The following CNIH4 variants were observed in gnomAD, a reference collection of about 807,000 sequenced individuals.
CNIH4 encodes cornichon family member 4, also known as protein cornichon homolog 4.
Under a neutral mutation model 21.5 loss-of-function variants are expected in CNIH4, and 9 were observed. The ratio of observed to expected loss-of-function variants is 0.42; its 90% CI spans 0.25 to 0.73. The LOEUF is 0.73. Ranked by LOEUF, CNIH4 falls within the 30% of genes least tolerant of loss-of-function variation. The pLI is 0.27. For missense variants in CNIH4, 159 were observed against 170.0 expected (o/e 0.94, Z 0.36); for synonymous variants, 67 against 59.1 (o/e 1.13, Z -0.61).
chr1:224,372,615 C>T (rs1049432534), intron 4 of CNIH4, among the ~76,000 whole-genome samples: 4 of 151,876 alleles, frequency 2.6e-5, no homozygotes, highest in Non-Finnish European at 5.9e-5. Context: ...CAGAGTCTCG[C>T]TCTGTCACCC....
At chr1:224,363,176 C>G (rs2102854135) in intron 2 of CNIH4, among the ~76,000 whole-genome samples, 1 of 152,218 alleles carries the variant, frequency 6.6e-6, no homozygotes, top group South Asian at 2.1e-4. Context: ...TCCTGAGTAG[C>G]TGGGATTACA....
rs532107200 is a variant in CNIH4 at position 224,378,581 on chromosome 1, C to T, written c.*2759C>T. On this transcript the variant is annotated 3_prime_UTR_variant, in exon 5 of 5. Coordinates refer to ENST00000465271, the MANE Select transcript of CNIH4 (RefSeq NM_014184.4). The stretch of plus-strand genomic sequence containing the variant: ...CATCTGAATGCTGAGGCCTAGAGAT[C>T]GTTCAGGGTGTTGTAACTGGGAACA... 3.6e-5 allele frequency: 5 copies of T among 139,614 alleles called. No homozygotes were observed. Among genetic ancestry groups the T allele is most frequent in the African/African-American group, 2.7e-5 (1 of 36,972 alleles). 8.6% of individuals were successfully genotyped at this position (139,614 alleles called of 1,614,324 possible).
Position 224,379,183 on chromosome 1 carries a change from C to T in CNIH4, c.*3361C>T. ...TAGCAGGTCCCCTCAGCTGCCTTTT[C>T]ATGCCTGCCACAGACTACAGTAGGA... On this transcript the variant is annotated 3_prime_UTR_variant, in exon 5 of 5. Transcript: ENST00000465271. The T allele has an allele frequency of 1.5e-6, 2 of 1,315,530 alleles. No individual in the cohort carries two copies. The highest frequency in any genetic ancestry group is 1.3e-5 in the South Asian group (1 of 79,116). The allele number at this position is 1,315,530 out of a possible 1,614,324, so 81.5% of individuals were successfully genotyped here.
Position 224,376,995 on chromosome 1 carries a change from T to C in CNIH4, c.*1173T>C, listed in dbSNP as rs1672798887. 2.4e-6 allele frequency: 2 copies of C among 848,438 alleles called. No homozygotes were observed. The highest frequency in any genetic ancestry group is 2.8e-6 in the Non-Finnish European group (2 of 705,040). 52.6% of individuals were successfully genotyped at this position (848,438 alleles called of 1,614,324 possible). On this transcript the variant is annotated 3_prime_UTR_variant, in exon 5 of 5. Transcript: ENST00000465271. ...ATTATTCACTCTAGTTGAGATAGAA[T>C]TGGGTGGCTAAACAGGGTGTGTGGT...
upstream of CNIH4, chr1:224,356,873 C>T: frequency 6.6e-7 from 1 of 1,504,370 alleles, no homozygotes; most frequent in Non-Finnish European, 9.1e-7. Flanking sequence ...AGGGGTGGGT[C>T]GGGGCATCCG....
chr1:224,363,241 G>A (rs977264502), intron 2 of CNIH4, among the ~76,000 whole-genome samples: 4 of 151,650 alleles, frequency 2.6e-5, no homozygotes, highest in Non-Finnish European at 2.9e-5. Flanking sequence ...ATGAAGTCTC[G>A]CCACGTTGGC....
intron 4 of CNIH4, among the ~76,000 whole-genome samples, chr1:224,371,740 C>T (rs572858072): frequency 1.8e-4 from 28 of 152,084 alleles, no homozygotes; most frequent in African/African-American, 6.5e-4. Flanking sequence ...GTCGGGAGTT[C>T]GAGACCAGCC....
chr1:224,364,488 A>G (rs1464223322), intron 2 of CNIH4: 11 of 633,020 alleles, frequency 1.7e-5, no homozygotes, highest in Non-Finnish European at 2.2e-5. Context: ...AGATGAAAAC[A>G]TTGTGGCTTA....
chr1:224,371,297 C>T lies in CNIH4; in HGVS notation c.266C>T (p.Pro89Leu), dbSNP rs1418163903. The T allele has an allele frequency of 3.7e-6, 6 of 1,613,400 alleles. No individual in the cohort carries two copies. Among genetic ancestry groups the T allele is most frequent in the African/African-American group, 2.7e-5 (2 of 74,860 alleles). The change falls in exon 4 of 5, where the codon CCG becomes CTG. Residue 89 changes from proline (P) to leucine (L), a missense_variant. By Grantham distance (98) the Pro-to-Leu change is moderately conservative (BLOSUM62 -3). Coordinates refer to ENST00000465271, the MANE Select transcript of CNIH4 (RefSeq NM_014184.4). The stretch of plus-strand genomic sequence containing the variant: ...TAATTTATCAGATACATTATGGTGC[C>T]GAGTGGTAACATGGGAGTGTTTGAT... ...TWNIYRYIMVPSGNMGVFDPT... is the reference protein window; with the variant it reads ...TWNIYRYIMVLSGNMGVFDPT...
chr1:224,372,571 TTTTG>T (rs1187460485), intron 4 of CNIH4, among the ~76,000 whole-genome samples: 7 of 151,928 alleles, frequency 4.6e-5, no homozygotes, highest in Admixed American at 6.6e-5. Flanking sequence ...GGGGTTTTTT[TTTTG>T]TTTGTTTTGT....
At position 224,376,833 on chromosome 1, in the gene CNIH4, G is replaced by GCTCTGTT; in HGVS notation, c.*1012_*1018dup. On this transcript the variant is annotated 3_prime_UTR_variant, in exon 5 of 5. Transcript: ENST00000465271. ...GGTGGGAGAGCAGTTCACCTCCTTA[G>GCTCTGTT]CTCTGTTTGCCAGCTCTTACAGGGT... is the stretch of plus-strand genomic sequence containing the variant. The GCTCTGTT allele has an allele frequency of 1.0e-6, 1 of 985,380 alleles. No homozygotes were observed. The highest frequency in any genetic ancestry group is 1.2e-6 in the Non-Finnish European group (1 of 829,916). 61.0% of individuals were successfully genotyped at this position (985,380 alleles called of 1,614,324 possible).
At chr1:224,374,069 G>A (rs946313601) in intron 4 of CNIH4, among the ~76,000 whole-genome samples, 1 of 152,124 alleles carries the variant, frequency 6.6e-6, no homozygotes, top group Non-Finnish European at 1.5e-5. Flanking sequence ...ACCCTTTGGT[G>A]TTACATATAG....
chr1:224,369,598 A>G (rs2102863038), intron 3 of CNIH4, among the ~76,000 whole-genome samples: 1 of 152,204 alleles, frequency 6.6e-6, no homozygotes, highest in Non-Finnish European at 1.5e-5. Context: ...ATAATAAACT[A>G]AAAAAGTATA....
intron 2 of CNIH4, among the ~76,000 whole-genome samples, chr1:224,364,640 A>T (rs1219816865): frequency 6.6e-6 from 1 of 152,228 alleles, no homozygotes; most frequent in Non-Finnish European, 1.5e-5. Context: ...ATAGCATTTT[A>T]AAAAGTATAG....
chr1:224,367,198 T>G (rs1159798350), intron 3 of CNIH4, among the ~76,000 whole-genome samples: 1 of 152,232 alleles, frequency 6.6e-6, no homozygotes, highest in Non-Finnish European at 1.5e-5. Context: ...TATTTCATTT[T>G]TATTTATGTC....
At chr1:224,365,675 G>C (rs1248648966) in intron 2 of CNIH4, among the ~76,000 whole-genome samples, 1 of 152,182 alleles carries the variant, frequency 6.6e-6, no homozygotes, top group Non-Finnish European at 1.5e-5. Context: ...AAATTTAAGT[G>C]CTTTATTTTT....
At chr1:224,366,438 G>C (rs1672455617) in intron 3 of CNIH4, among the ~76,000 whole-genome samples, 1 of 151,732 alleles carries the variant, frequency 6.6e-6, no homozygotes, top group Non-Finnish European at 1.5e-5. Flanking sequence ...TGCAACTTCC[G>C]CCTCCTGGGT....
At chr1:224,369,003 C>T (rs1308498822) in intron 3 of CNIH4, among the ~76,000 whole-genome samples, 3 of 151,674 alleles carry the variant, frequency 2.0e-5, no homozygotes, top group Admixed American at 1.3e-4. Flanking sequence ...GTTCCCCTGC[C>T]TGTTATAAGC....
intron 1 of CNIH4, chr1:224,357,546 T>A (rs1468804054): frequency 6.6e-6 from 1 of 152,474 alleles, no homozygotes; most frequent in Admixed American, 6.5e-5. Flanking sequence ...GCAGGGACCT[T>A]TCACATCCAG....
Sources: gnomAD v4.1 joint callset for allele counts (sites outside exome capture counted in the v4.1 genomes callset) on GRCh38, gnomAD v4.1.1 for gene constraint, MANE v1.5 for transcripts, NCBI Gene and HGNC (gene_info 2026-07-23, HGNC 2026-07-21) for gene names.